The following PPM1E variants were observed in gnomAD, a reference collection of about 807,000 sequenced individuals.
PPM1E encodes protein phosphatase 1E.
Under a neutral mutation model 65.9 loss-of-function variants are expected in PPM1E, and 20 were observed. The ratio of observed to expected loss-of-function variants is 0.30; its 90% CI spans 0.21 to 0.44. The LOEUF (loss-of-function observed/expected upper bound fraction) is 0.44. Among genes scored for constraint, PPM1E ranks in the 20% least tolerant of loss-of-function variants. The probability of loss-of-function intolerance (pLI) is 1.00; values close to 1 mark genes in which losing one functional copy is unlikely to be tolerated. For synonymous variants in PPM1E, 352 were observed against 374.9 expected, an observed-to-expected ratio of 0.94 and a Z score of 0.70; for missense variants, 713 against 953.1, an observed-to-expected ratio of 0.75 and a Z score of 3.32.
chr17:58,963,301 C>T (rs999498931), intron 2 of PPM1E, among the ~76,000 whole-genome samples: 2 of 141,374 alleles, frequency 1.4e-5, no homozygotes, highest in Non-Finnish European at 3.1e-5. Context: ...GTAGGAGAAT[C>T]GCTTGAACCA....
rs192016576 is a variant in PPM1E at position 58,807,416 on chromosome 17, A to T, written c.464+50955A>T. Among the ~76,000 whole-genome samples, 20 of 152,260 alleles carry T rather than the reference A, an allele frequency of 1.3e-4. No homozygotes were observed. The East Asian group carries it at 3.9e-3, about 29-fold the overall frequency. ...AGTTGCTTAATTTTAAATGTAAGTT[A>T]TACTTAAGTAGCAGTTAGTATATAA... On this transcript the variant is annotated intron_variant, in intron 1 of 6. Transcript: ENST00000308249.
chr17:58,893,240 G>A (rs116208754), intron 1 of PPM1E, among the ~76,000 whole-genome samples: 2,382 of 152,264 alleles, frequency 0.016, 57 homozygotes, highest in African/African-American at 0.054. Context: ...ATAAACAAAC[G>A]GTGGTGCATC....
chr17:58,864,663 C>T (rs556474699), intron 1 of PPM1E, among the ~76,000 whole-genome samples: 53 of 149,062 alleles, frequency 3.6e-4, no homozygotes, highest in Admixed American at 9.4e-4. Context: ...GATGGCTGGG[C>T]GCAGTGGCTC....
intron 1 of PPM1E, among the ~76,000 whole-genome samples, chr17:58,955,319 C>A (rs1336256180): frequency 1.3e-5 from 2 of 152,292 alleles, no homozygotes; most frequent in Middle Eastern, 3.4e-3. Flanking sequence ...GAGCCCAAAT[C>A]ACGCCATTGC....
chr17:58,954,844 C>T (rs2029865753), intron 1 of PPM1E, among the ~76,000 whole-genome samples: 1 of 144,638 alleles, frequency 6.9e-6, no homozygotes, highest in Non-Finnish European at 1.5e-5. Context: ...TGCACCACTG[C>T]ACTCCAGTCT....
intron 1 of PPM1E, among the ~76,000 whole-genome samples, chr17:58,815,286 G>A (rs1322685021): frequency 6.6e-6 from 1 of 152,148 alleles, no homozygotes; most frequent in African/African-American, 2.4e-5. Context: ...ACATAACAGG[G>A]AACCTGAAGC....
intron 1 of PPM1E, among the ~76,000 whole-genome samples, chr17:58,826,820 G>A (rs1269231203): frequency 2.0e-5 from 3 of 151,630 alleles, no homozygotes; most frequent in Non-Finnish European, 2.9e-5. Context: ...TAGTAGAGAC[G>A]GGGTTTCACT....
At chr17:58,978,183 G>C (rs1242591106) in intron 6 of PPM1E, among the ~76,000 whole-genome samples, 2 of 152,234 alleles carry the variant, frequency 1.3e-5, no homozygotes, top group African/African-American at 4.8e-5. Context: ...ATTGATGAGA[G>C]TTGTGTAGGT....
intron 1 of PPM1E, among the ~76,000 whole-genome samples, chr17:58,930,548 C>G (rs2051881185): frequency 6.6e-6 from 1 of 152,146 alleles, no homozygotes; most frequent in Non-Finnish European, 1.5e-5. Flanking sequence ...AACATAAAAA[C>G]TTAATCTTAT....
intron 1 of PPM1E, among the ~76,000 whole-genome samples, chr17:58,783,989 G>A (rs990155515): frequency 6.6e-6 from 1 of 151,676 alleles, no homozygotes; most frequent in Non-Finnish European, 1.5e-5. Context: ...GGGATTACAG[G>A]TGTGAGCCAC....
chr17:58,838,745 T>C (rs977364676), intron 1 of PPM1E, among the ~76,000 whole-genome samples: 3 of 152,224 alleles, frequency 2.0e-5, no homozygotes, highest in Non-Finnish European at 4.4e-5. Context: ...ACAGCAGCTT[T>C]ATTCATAACT....
intron 1 of PPM1E, among the ~76,000 whole-genome samples, chr17:58,790,278 G>C (rs1489126054): frequency 6.6e-6 from 1 of 151,718 alleles, no homozygotes; most frequent in Admixed American, 6.6e-5. Context: ...TGCCCAGGCT[G>C]ATCTGGAACT....
intron 6 of PPM1E, among the ~76,000 whole-genome samples, chr17:58,973,204 T>G (rs2030753328): frequency 6.7e-6 from 1 of 150,360 alleles, no homozygotes; most frequent in Non-Finnish European, 1.5e-5. Context: ...TATCACGAGG[T>G]CAGGAGTTCA....
chr17:58,901,156 T>G (rs1407026503), intron 1 of PPM1E, among the ~76,000 whole-genome samples: 4 of 152,162 alleles, frequency 2.6e-5, no homozygotes, highest in African/African-American at 9.7e-5. Context: ...GCTTATCTAA[T>G]CTCTTCAATT....
At chr17:58,763,750 G>C (rs529745620) in intron 1 of PPM1E, among the ~76,000 whole-genome samples, 2 of 152,076 alleles carry the variant, frequency 1.3e-5, no homozygotes, top group Admixed American at 1.3e-4. Flanking sequence ...CTGCCATACC[G>C]TGAAGCTTGT....
intron 1 of PPM1E, among the ~76,000 whole-genome samples, chr17:58,906,813 A>G (rs889843011): frequency 2.0e-5 from 3 of 152,150 alleles, no homozygotes; most frequent in Admixed American, 2.0e-4. Context: ...ACTTAATGTT[A>G]CCAATTTCCC....
At chr17:58,922,514 A>G (rs1274388372) in intron 1 of PPM1E, among the ~76,000 whole-genome samples, 1 of 151,996 alleles carries the variant, frequency 6.6e-6, no homozygotes, top group African/African-American at 2.4e-5. Context: ...TCAGTCTCCT[A>G]AAGTGTTGGG....
chr17:58,804,128 A>G (rs935769643), intron 1 of PPM1E, among the ~76,000 whole-genome samples: 1 of 151,924 alleles, frequency 6.6e-6, no homozygotes, highest in Admixed American at 6.6e-5. Context: ...GGGTCTCACT[A>G]TGTTGCCCAG....
At chr17:58,962,989 T>C (rs760526231) in intron 2 of PPM1E, among the ~76,000 whole-genome samples, 6 of 152,118 alleles carry the variant, frequency 3.9e-5, no homozygotes, top group Non-Finnish European at 7.4e-5. Context: ...CTTGAGAGGC[T>C]GAAGCAGAAG....
Sources: gnomAD v4.1 joint callset for allele counts (sites outside exome capture counted in the v4.1 genomes callset) on GRCh38, gnomAD v4.1.1 for gene constraint, MANE v1.5 for transcripts, NCBI Gene and HGNC (gene_info 2026-07-23, HGNC 2026-07-21) for gene names.